Variants in PXDNL observed in about 807,000 individuals in gnomAD.
The protein encoded by PXDNL is probable oxidoreductase PXDNL.
PXDNL carries 145 observed loss-of-function variants against 150.8 expected under a neutral mutation model. The ratio of observed to expected loss-of-function variants is 0.96; its 90% CI spans 0.84 to 1.10. The LOEUF is 1.10. PXDNL is among the 50% of genes least tolerant of loss of function. The pLI, the probability that PXDNL is intolerant of heterozygous loss-of-function variation, is 0.00. For missense variants in PXDNL, 2,087 were observed against 1,873.9 expected (o/e 1.11, Z -2.10); for synonymous variants, 757 against 725.7 (o/e 1.04, Z -0.69).
At chr8:51,444,890 A>T (rs1809639370) in intron 12 of PXDNL, among the ~76,000 whole-genome samples, 1 of 149,402 alleles carries the variant, frequency 6.7e-6, no homozygotes, top group Non-Finnish European at 1.5e-5. Context: ...TATCCTCTTT[A>T]GGTTAACAAA....
intron 1 of PXDNL, among the ~76,000 whole-genome samples, chr8:51,737,408 C>G (rs948966767): frequency 1.3e-5 from 2 of 152,236 alleles, no homozygotes; most frequent in Non-Finnish European, 2.9e-5. Context: ...CCAAGACTAC[C>G]TAATTCAATC....
intron 1 of PXDNL, among the ~76,000 whole-genome samples, chr8:51,658,079 C>T (rs1815189786): frequency 6.6e-6 from 1 of 152,070 alleles, no homozygotes; most frequent in Admixed American, 6.6e-5. Context: ...TGCAGTAGCT[C>T]ATGCCTGTAA....
At chr8:51,737,677 G>A (rs1037121942) in intron 1 of PXDNL, among the ~76,000 whole-genome samples, 1 of 152,112 alleles carries the variant, frequency 6.6e-6, no homozygotes, top group East Asian at 1.9e-4. Flanking sequence ...CATCCTGCCT[G>A]CTCCTCCAGT....
chr8:51,460,017 G>A (rs1810036352), intron 8 of PXDNL, among the ~76,000 whole-genome samples: 1 of 152,100 alleles, frequency 6.6e-6, no homozygotes, highest in South Asian at 2.1e-4. Context: ...GGAGGCTGAG[G>A]TGGGAGGATT....
intron 1 of PXDNL, among the ~76,000 whole-genome samples, chr8:51,677,493 C>G (rs980052126): frequency 2.0e-5 from 3 of 152,198 alleles, no homozygotes; most frequent in Non-Finnish European, 4.4e-5. Flanking sequence ...CATAAAATGA[C>G]TCAATCCAGA....
chr8:51,695,006 C>G (rs1816086090), intron 1 of PXDNL, among the ~76,000 whole-genome samples: 1 of 152,152 alleles, frequency 6.6e-6, no homozygotes, highest in South Asian at 2.1e-4. Context: ...TTCAGAGCCT[C>G]TCTGAAGGCT....
At chr8:51,623,120 G>A in intron 2 of PXDNL, among the ~76,000 whole-genome samples, 1 of 152,156 alleles carries the variant, frequency 6.6e-6, no homozygotes, top group East Asian at 1.9e-4. Context: ...GTATCTTCTA[G>A]CCGCACTACC....
chr8:51,741,091 G>GGTTTTTTGTTTGTGTGTTTGTTT lies in PXDNL; in HGVS notation c.164+68067_164+68089dup, dbSNP rs556513069. Among the ~76,000 whole-genome samples the GGTTTTTTGTTTGTGTGTTTGTTT allele has an allele frequency of 1.6e-4, 24 of 152,190 alleles. 1 individual carries two copies. The East Asian group carries it at 4.1e-3, about 26-fold the overall frequency. On this transcript the variant is annotated intron_variant, in intron 1 of 22. Coordinates refer to ENST00000356297, the MANE Select transcript of PXDNL (RefSeq NM_144651.5). ...TTTAACTGTAAATCTGTCTGGTCCT[G>GGTTTTTTGTTTGTGTGTTTGTTT]GTTTTTTGTTTGTGTGTTTGTTTGT...
chr8:51,663,602 T>C (rs571676284), intron 1 of PXDNL, among the ~76,000 whole-genome samples: 8 of 152,202 alleles, frequency 5.3e-5, no homozygotes, highest in African/African-American at 1.7e-4. Context: ...AAGGAGAACA[T>C]TGCGGTTTTG....
At chr8:51,549,321 A>C (rs894886512) in intron 4 of PXDNL, among the ~76,000 whole-genome samples, 1 of 152,138 alleles carries the variant, frequency 6.6e-6, no homozygotes, top group East Asian at 1.9e-4. Context: ...TACCCTAGGA[A>C]AAATGGACTT....
At chr8:51,349,891 C>G (rs10090175) in intron 19 of PXDNL, among the ~76,000 whole-genome samples, 86 of 152,180 alleles carry the variant, frequency 5.7e-4, no homozygotes, top group Middle Eastern at 3.4e-3. Context: ...TTATTTTCAA[C>G]ACTTTCAACA....
At chr8:51,650,879 C>A (rs974968877) in intron 2 of PXDNL, among the ~76,000 whole-genome samples, 2 of 152,138 alleles carry the variant, frequency 1.3e-5, no homozygotes, top group African/African-American at 2.4e-5. Flanking sequence ...TCAATACAAG[C>A]TTTACAAAAA....
At chr8:51,695,485 C>T (rs188213697) in intron 1 of PXDNL, among the ~76,000 whole-genome samples, 12 of 149,548 alleles carry the variant, frequency 8.0e-5, no homozygotes, top group African/African-American at 2.2e-4. Context: ...CACACACGCA[C>T]ACACGCACGC....
At chr8:51,795,267 C>G (rs1312333554) in intron 1 of PXDNL, among the ~76,000 whole-genome samples, 1 of 152,144 alleles carries the variant, frequency 6.6e-6, no homozygotes, top group Admixed American at 6.5e-5. Flanking sequence ...ATATTCAGGA[C>G]TTGAACTCAG....
chr8:51,409,149 GC>G lies in PXDNL; in HGVS notation c.2474del (p.Arg825ProfsTer21), dbSNP rs776892351. On this transcript the variant is annotated frameshift_variant, in exon 17 of 23. Coordinates refer to ENST00000356297, the MANE Select transcript of PXDNL (RefSeq NM_144651.5). LOFTEE classifies it high-confidence loss of function. ...DHTVPALSTA[R>X]FSDGRPCSSV... is the part of the protein sequence containing the mutation. The stretch of plus-strand genomic sequence containing the variant: ...AGCTGCACGGCCGCCCATCCGAGAA[GC>G]GGGCTGTGCTCAGCGCAGGCACTGT... 6.2e-7 allele frequency: 1 copy of G among 1,603,346 alleles called. No individual in the cohort carries two copies. Among genetic ancestry groups the G allele is most frequent in the African/African-American group, 1.3e-5 (1 of 74,960 alleles).
chr8:51,513,373 C>T (rs986375717), intron 4 of PXDNL, among the ~76,000 whole-genome samples: 1 of 152,178 alleles, frequency 6.6e-6, no homozygotes, highest in Non-Finnish European at 1.5e-5. Flanking sequence ...AGGGCCACCC[C>T]GAGCATGAAG....
intron 19 of PXDNL, among the ~76,000 whole-genome samples, chr8:51,357,819 A>T (rs1806563012): frequency 6.6e-6 from 1 of 152,194 alleles, no homozygotes; most frequent in African/African-American, 2.4e-5. Flanking sequence ...AACAGATTGG[A>T]CAATTCTGTC....
chr8:51,361,464 A>G (rs1806734154), intron 19 of PXDNL, among the ~76,000 whole-genome samples: 1 of 152,216 alleles, frequency 6.6e-6, no homozygotes, highest in Non-Finnish European at 1.5e-5. Flanking sequence ...GCCAAAGCCA[A>G]GATGTAAGGT....
chr8:51,804,611 C>A (rs561403381), intron 1 of PXDNL, among the ~76,000 whole-genome samples: 1 of 152,320 alleles, frequency 6.6e-6, no homozygotes, highest in South Asian at 2.1e-4. Flanking sequence ...CCAACTAGCA[C>A]AGGGACCACA....
Sources: gnomAD v4.1 joint callset for allele counts (sites outside exome capture counted in the v4.1 genomes callset) on GRCh38, gnomAD v4.1.1 for gene constraint, MANE v1.5 for transcripts, NCBI Gene and HGNC (gene_info 2026-07-23, HGNC 2026-07-21) for gene names.